MAGED1: variants seen among roughly 807,000 people sequenced by gnomAD.
The protein encoded by MAGED1 is melanoma-associated antigen D1.
A neutral mutation model predicts 54.1 loss-of-function variants in MAGED1; 3 were observed. The ratio of observed to expected loss-of-function variants is 0.06; its 90% CI spans 0.03 to 0.14. The LOEUF (loss-of-function observed/expected upper bound fraction) is 0.14. Among genes scored for constraint, MAGED1 ranks in the 10% least tolerant of loss-of-function variants. MAGED1 has a pLI of 1.00. For synonymous variants in MAGED1, 217 were observed against 227.3 expected, an observed-to-expected ratio of 0.95 and a Z score of 0.41; for missense variants, 485 against 623.4, an observed-to-expected ratio of 0.78 and a Z score of 2.36.
chrX:51,853,878 T>G (rs1926983222), intron 1 of MAGED1, among the ~76,000 whole-genome samples: 1 of 112,055 alleles, frequency 8.9e-6, no homozygotes, highest in Non-Finnish European at 1.9e-5. Flanking sequence ...ATCTTTTGGG[T>G]TTTGTTTCTT....
At chrX:51,853,637 T>TC (rs1926975772) in intron 1 of MAGED1, among the ~76,000 whole-genome samples, 1 of 112,553 alleles carries the variant, frequency 8.9e-6, no homozygotes, top group Admixed American at 9.4e-5. Flanking sequence ...ACTGCTCTAT[T>TC]TACCTCTAGG....
At chrX:51,850,839 G>T (rs1169100914) in intron 1 of MAGED1, among the ~76,000 whole-genome samples, 1 of 111,099 alleles carries the variant, frequency 9.0e-6, no homozygotes, top group African/African-American at 3.3e-5. Context: ...GGTGGAGGTT[G>T]CAGTGAGCTG....
chrX:51,803,934 G>A (rs1924947020), intron 1 of MAGED1, among the ~76,000 whole-genome samples: 1 of 110,323 alleles, frequency 9.1e-6, no homozygotes, highest in Non-Finnish European at 1.9e-5. Context: ...ACTTCTCTTA[G>A]CAGTGAAATG....
In MAGED1 at chrX:51,853,473, GGTCCC is replaced by G. The variant is rs1926966745; in HGVS notation, c.-36-40795_-36-40791del. Among the ~76,000 whole-genome samples the G allele has an allele frequency of 2.7e-5, 3 of 112,020 alleles. No homozygotes were observed. In the South Asian group the frequency reaches 1.1e-3, roughly 42 times the overall value. On this transcript the variant is annotated intron_variant, in intron 1 of 12. Transcript: ENST00000375772. ...TCCCCTTTAGGGGGTAGCCCTTTGAGGTCCCAGCTCATTGTTGGGAATGTCTCCTC... is the reference window on the plus strand; with the variant it reads ...TCCCCTTTAGGGGGTAGCCCTTTGAGAGCTCATTGTTGGGAATGTCTCCTC...
chrX:51,831,287 T>C (rs1410541140), intron 1 of MAGED1, among the ~76,000 whole-genome samples: 1 of 112,538 alleles, frequency 8.9e-6, no homozygotes, highest in Admixed American at 9.4e-5. Context: ...GACATAGCTC[T>C]TGCAAAAAAT....
intron 1 of MAGED1, among the ~76,000 whole-genome samples, chrX:51,833,612 C>G (rs1408960270): frequency 1.8e-5 from 2 of 111,576 alleles, no homozygotes; most frequent in Non-Finnish European, 3.8e-5. Context: ...AGTAAAGTGT[C>G]TACTTTTTCT....
intron 1 of MAGED1, among the ~76,000 whole-genome samples, chrX:51,840,586 T>G (rs1288672216): frequency 1.8e-5 from 2 of 108,335 alleles, no homozygotes; most frequent in East Asian, 2.9e-4. Flanking sequence ...CCTCCCCCCT[T>G]CCCCCACCCC....
At chrX:51,892,263 C>A (rs868917820), upstream of MAGED1, among the ~76,000 whole-genome samples, 10 of 112,825 alleles carry the variant, frequency 8.9e-5, 1 homozygote, top group Middle Eastern at 4.6e-3. Context: ...CTGTGCATTC[C>A]ACTTTGCACA....
chrX:51,873,499 G>C (rs1314612018), intron 1 of MAGED1, among the ~76,000 whole-genome samples: 1 of 97,805 alleles, frequency 1.0e-5, no homozygotes, highest in Non-Finnish European at 2.0e-5. Context: ...ATGTGAATGA[G>C]ATAGTGTGTT....
chrX:51,896,263 T>A (rs782154262), intron 3 of MAGED1, 146 bp from the exon 4 acceptor site: 1 of 522,334 alleles, frequency 1.9e-6, no homozygotes, highest in Admixed American at 4.0e-5. Context: ...TGGAAGACAG[T>A]GAAAGACAAA....
intron 1 of MAGED1, among the ~76,000 whole-genome samples, chrX:51,824,743 T>TATATATACACATAC (rs1925778336): frequency 2.0e-5 from 2 of 100,626 alleles, no homozygotes; most frequent in Non-Finnish European, 4.0e-5. Flanking sequence ...TCTGTATATA[T>TATATATACACATAC]ATATATACAC....
Position 51,898,662 on chromosome X carries a change from G to A in MAGED1, c.1844+19G>A. ...AGCAGAAGTAAGTGATGCCTAAGGGGCTTTTCCTGCTTCTTATGATTCTGC... is the reference window on the plus strand; with the variant it reads ...AGCAGAAGTAAGTGATGCCTAAGGGACTTTTCCTGCTTCTTATGATTCTGC... On this transcript the variant is annotated intron_variant, in intron 10 of 12. Transcript: ENST00000326587. 6 of 1,178,684 alleles carry A rather than the reference G, an allele frequency of 5.1e-6. No homozygotes were observed. The highest frequency in any genetic ancestry group is 6.9e-6 in the Non-Finnish European group (6 of 874,524).
intron 11 of MAGED1, among the ~76,000 whole-genome samples, chrX:51,901,134 T>G (rs2147025866): frequency 8.9e-6 from 1 of 111,994 alleles, no homozygotes; most frequent in African/African-American, 3.2e-5. Flanking sequence ...GACACATTAT[T>G]ATTAACTATA....
upstream of MAGED1, among the ~76,000 whole-genome samples, chrX:51,893,098 A>G (rs1240627329): frequency 1.8e-5 from 2 of 110,352 alleles, no homozygotes; most frequent in Non-Finnish European, 3.8e-5. Context: ...TGAGGGAGAA[A>G]TCATGGAGTC....
At chrX:51,870,165 T>C (rs1927613860) in intron 1 of MAGED1, among the ~76,000 whole-genome samples, 1 of 111,844 alleles carries the variant, frequency 8.9e-6, no homozygotes, top group South Asian at 3.7e-4. Flanking sequence ...AATTTTAGAG[T>C]GATTTTATTT....
intron 1 of MAGED1, among the ~76,000 whole-genome samples, chrX:51,821,867 C>T (rs1179858299): frequency 9.0e-6 from 1 of 111,709 alleles, no homozygotes; most frequent in Non-Finnish European, 1.9e-5. Context: ...ATTTTTTATG[C>T]TGTTAGTATA....
intron 1 of MAGED1, among the ~76,000 whole-genome samples, chrX:51,838,447 C>T (rs1403380808): frequency 8.9e-6 from 1 of 112,341 alleles, no homozygotes; most frequent in African/African-American, 3.2e-5. Context: ...ACAAAAATTT[C>T]TTTTCTTTCC....
At chrX:51,893,281 G>C (rs1557363670), upstream of MAGED1, among the ~76,000 whole-genome samples, 1 of 109,932 alleles carries the variant, frequency 9.1e-6, no homozygotes, top group Admixed American at 9.6e-5. Context: ...TGACAGGAGG[G>C]GCCTTGAATA....
At chrX:51,836,374 T>C (rs1219973999) in intron 1 of MAGED1, among the ~76,000 whole-genome samples, 2 of 111,087 alleles carry the variant, frequency 1.8e-5, no homozygotes, top group African/African-American at 6.6e-5. Context: ...AGTTTGATCC[T>C]TTTATGTCTT....
Sources: allele counts gnomAD v4.1 joint callset (sites outside exome capture counted in the v4.1 genomes callset), GRCh38; gene constraint gnomAD v4.1.1; transcripts MANE v1.5; gene names NCBI Gene and HGNC (gene_info 2026-07-23, HGNC 2026-07-21).